ESCO1: variants seen among roughly 807,000 people sequenced by gnomAD.
ESCO1 encodes the protein establishment of sister chromatid cohesion N-acetyltransferase 1.
A neutral mutation model predicts 83.5 loss-of-function variants in ESCO1; 33 were observed. That is an observed-to-expected ratio of 0.40 (90% CI 0.30 to 0.53). The LOEUF (loss-of-function observed/expected upper bound fraction) is 0.53, where lower values mean the gene tolerates loss of function less well. Among genes scored for constraint, ESCO1 ranks in the 20% least tolerant of loss-of-function variants. The pLI is 0.63. For missense variants in ESCO1, 855 were observed against 968.0 expected, an observed-to-expected ratio of 0.88 and a Z score of 1.55; for synonymous variants, 332 against 324.3, an observed-to-expected ratio of 1.02 and a Z score of -0.25.
chr18:21,595,832 C>T (rs552245419), intron 1 of ESCO1, among the ~76,000 whole-genome samples: 4 of 151,320 alleles, frequency 2.6e-5, no homozygotes, highest in South Asian at 2.1e-4. Flanking sequence ...GGCATGGTGG[C>T]GGGCGCCTGT....
intron 1 of ESCO1, among the ~76,000 whole-genome samples, chr18:21,592,438 C>A (rs2038687840): frequency 6.8e-6 from 1 of 146,036 alleles, no homozygotes; most frequent in African/African-American, 2.5e-5. Context: ...CTGACCCCCC[C>A]ACCTCCCTCC....
intron 1 of ESCO1, among the ~76,000 whole-genome samples, chr18:21,595,493 C>A (rs1322830694): frequency 2.0e-5 from 3 of 149,354 alleles, no homozygotes; most frequent in African/African-American, 7.4e-5. Flanking sequence ...CACAGTGAAA[C>A]CCCGTCTCTA....
At chr18:21,600,374 G>C (rs982881336) in intron 1 of ESCO1, among the ~76,000 whole-genome samples, 1 of 152,258 alleles carries the variant, frequency 6.6e-6, no homozygotes, top group East Asian at 1.9e-4. Flanking sequence ...AGCAAACAGC[G>C]GCAGGTGGTG....
rs779140271 is a variant in ESCO1, at chr18:21,530,429, G to A, written c.2437C>T (p.Pro813Ser). 6.3e-7 allele frequency: 1 copy of A among 1,592,456 alleles called. No individual in the cohort carries two copies. The highest frequency in any genetic ancestry group is 8.6e-7 in the Non-Finnish European group (1 of 1,168,152). The change falls in exon 12 of 12, where the codon CCT becomes TCT. Residue 813 changes from proline (P) to serine (S), a missense_variant. Transcript: ENST00000269214. ...KEEIAFSDPTPDGKLFATQYC... is the reference protein window; with the variant it reads ...KEEIAFSDPTSDGKLFATQYC... Reference sequence around the variant, plus strand: ...TGTGTTGCAAACAGCTTTCCATCAGGAGTGGGATCTGAGAAAGCAATTTCT... The same window carrying A: ...TGTGTTGCAAACAGCTTTCCATCAGAAGTGGGATCTGAGAAAGCAATTTCT...
At chr18:21,551,261 G>A (rs1453162841) in intron 8 of ESCO1, among the ~76,000 whole-genome samples, 2 of 152,058 alleles carry the variant, frequency 1.3e-5, no homozygotes, top group African/African-American at 4.8e-5. Context: ...ACGAGGTCAG[G>A]AGATCGATAC....
intron 2 of ESCO1, among the ~76,000 whole-genome samples, chr18:21,583,972 T>C (rs914567414): frequency 6.6e-6 from 1 of 152,122 alleles, no homozygotes. Context: ...AGAGAGAATG[T>C]AGCATGTCTC....
At chr18:21,584,623 C>A (rs989089634) in intron 1 of ESCO1, among the ~76,000 whole-genome samples, 183 bp from the exon 2 acceptor site, 4 of 151,950 alleles carry the variant, frequency 2.6e-5, no homozygotes, top group African/African-American at 9.7e-5. Flanking sequence ...GAGTTTGAGA[C>A]CAGACTGGGC....
At chr18:21,577,495 C>G (rs149556195) in intron 2 of ESCO1, among the ~76,000 whole-genome samples, 1 of 150,234 alleles carries the variant, frequency 6.7e-6, no homozygotes, top group African/African-American at 2.5e-5. Context: ...CCCGTCTCTA[C>G]TAAAAATACA....
chr18:21,559,342 GC>G (rs1338671105), intron 8 of ESCO1, among the ~76,000 whole-genome samples: 2 of 152,332 alleles, frequency 1.3e-5, no homozygotes, highest in South Asian at 2.1e-4. Context: ...TTGCTACATT[GC>G]TTTGCAGCTT....
At chr18:21,591,865 A>C (rs1728595760) in intron 1 of ESCO1, among the ~76,000 whole-genome samples, 1 of 151,290 alleles carries the variant, frequency 6.6e-6, no homozygotes, top group East Asian at 1.9e-4. Context: ...GGGAGTGGTG[A>C]TGACTCTTAA....
chr18:21,574,088 A>G lies in ESCO1; in HGVS notation c.756T>C (p.Ala252=). 1 of 1,613,048 alleles carries G rather than the reference A, an allele frequency of 6.2e-7. No individual in the cohort carries two copies. The highest frequency in any genetic ancestry group is 2.2e-5 in the East Asian group (1 of 44,866). Residue 252 remains alanine (A), a synonymous_variant, in exon 4 of 12, where the codon GCT becomes GCC. Coordinates refer to ENST00000269214, the MANE Select transcript of ESCO1 (RefSeq NM_052911.3). ...CATTCTTTTTCGGGACCACTGAAGT[A>G]GCCATTTTTGATCTTTTCACCTCAG... is the stretch of plus-strand genomic sequence containing the variant. ...VTSEVKRSKM[A]TSVVPKKNEM...
At chr18:21,532,896 C>G (rs2037785629) in intron 10 of ESCO1, among the ~76,000 whole-genome samples, 1 of 152,180 alleles carries the variant, frequency 6.6e-6, no homozygotes, top group Non-Finnish European at 1.5e-5. Flanking sequence ...GGGTTCCTCA[C>G]TGGCGATATC....
rs1426959822 is a variant in ESCO1, at chr18:21,574,270, G to T, written c.574C>A (p.Leu192Ile). 2.5e-6 allele frequency: 4 copies of T among 1,613,648 alleles called. No homozygotes were observed. The South Asian group carries it at 4.4e-5, about 18-fold the overall frequency. Residue 192 changes from leucine (L) to isoleucine (I), a missense_variant, in exon 4 of 12, where the codon CTA becomes ATA. Around this residue, in one of 2 missense-constraint regions of ESCO1, gnomAD observed 726 missense variants for 699.5 expected, o/e 1.04. Coordinates refer to ENST00000269214, the MANE Select transcript of ESCO1 (RefSeq NM_052911.3). Reference protein sequence around the residue: ...VKSDSKEDENLVINEVINSPK... With the variant: ...VKSDSKEDENIVINEVINSPK... ...GAATTTATTACTTCATTAATTACTA[G>T]ATTTTCATCTTCTTTAGAGTCAGAC... is the stretch of plus-strand genomic sequence containing the variant.
chr18:21,536,590 C>CA lies in ESCO1; in HGVS notation c.2044-406dup, dbSNP rs35366987. ...TGGGTGACAGAGTGAGACTCCATCT[C>CA]AAAAAAAAAAAAAAAAAAAGTTCTT... is the stretch of plus-strand genomic sequence containing the variant. On this transcript the variant is annotated intron_variant, in intron 9 of 11. Transcript: ENST00000269214. 2.4e-3 allele frequency among the ~76,000 whole-genome samples: 232 copies of CA among 96,664 alleles called. 1 individual carries two copies. Among genetic ancestry groups the CA allele is most frequent in the African/African-American group, 3.1e-3 (61 of 19,722 alleles). The allele number at this position is 96,664 out of a possible 152,430, so 63.4% of individuals were successfully genotyped here.
intron 5 of ESCO1, 104 bp downstream of exon 5, chr18:21,567,876 T>C (rs2038284268): frequency 3.9e-6 from 3 of 773,624 alleles, no homozygotes; most frequent in Non-Finnish European, 6.1e-6. Flanking sequence ...CAGCAATGGT[T>C]AAAAAGAATT....
chr18:21,592,354 C>G (rs1321312471), intron 1 of ESCO1, among the ~76,000 whole-genome samples: 1 of 138,974 alleles, frequency 7.2e-6, no homozygotes, highest in Admixed American at 7.1e-5. Flanking sequence ...ACCTCCCGGA[C>G]GAGGCGGCTG....
Position 21,574,879 on chromosome 18 carries a change from AAGAGGATTTTTGT to A in ESCO1, c.-49_-37del. On this transcript the variant is annotated 5_prime_UTR_variant, in exon 4 of 12. Coordinates refer to ENST00000269214, the MANE Select transcript of ESCO1 (RefSeq NM_052911.3). ...TGACTTTCTTTTCTGAGTAGTTTTG[AAGAGGATTTTTGT>A]GTCCTGGTAGGCGTGAATGCTGACT... 6.6e-7 allele frequency: 1 copy of A among 1,515,968 alleles called. No individual in the cohort carries two copies. Among genetic ancestry groups the A allele is most frequent in the Non-Finnish European group, 8.8e-7 (1 of 1,142,394 alleles). 93.9% of individuals were successfully genotyped at this position (1,515,968 alleles called of 1,614,324 possible). A position where few individuals can be genotyped will look rare whatever the true frequency, so the allele number is the denominator to read the frequency against.
intron 11 of ESCO1, among the ~76,000 whole-genome samples, chr18:21,532,252 C>T (rs2037776724): frequency 6.6e-6 from 1 of 152,176 alleles, no homozygotes; most frequent in Non-Finnish European, 1.5e-5. Flanking sequence ...GTCGAAACAG[C>T]TTAATATTAA....
chr18:21,576,261 G>C (rs2038417425), intron 2 of ESCO1, among the ~76,000 whole-genome samples: 1 of 152,100 alleles, frequency 6.6e-6, no homozygotes, highest in Non-Finnish European at 1.5e-5. Flanking sequence ...TGTAATTCTA[G>C]AAACTCCAGA....
Sources: allele counts gnomAD v4.1 joint callset (sites outside exome capture counted in the v4.1 genomes callset), GRCh38; gene constraint gnomAD v4.1.1; regional missense constraint gnomAD v4.1.1; transcripts MANE v1.5; gene names NCBI Gene and HGNC (gene_info 2026-07-23, HGNC 2026-07-21).